NKAIN3: variants seen among roughly 807,000 people sequenced by gnomAD.
The protein encoded by NKAIN3 is sodium/potassium transporting ATPase interacting 3, also known as sodium/potassium-transporting ATPase subunit beta-1-interacting protein 3.
A neutral mutation model predicts 30.2 loss-of-function variants in NKAIN3; 25 were observed. The observed-to-expected ratio is 0.83, with a 90% CI of 0.60 to 1.16. The LOEUF (loss-of-function observed/expected upper bound fraction) is 1.16, where lower values mean the gene tolerates loss of function less well. Among genes scored for constraint, NKAIN3 ranks in the 50% most tolerant of loss-of-function variants. The pLI, the probability that NKAIN3 is intolerant of heterozygous loss-of-function variation, is 0.00. For synonymous variants in NKAIN3, 91 were observed against 89.6 expected, an observed-to-expected ratio of 1.02 and a Z score of -0.09; for missense variants, 225 against 254.1, an observed-to-expected ratio of 0.89 and a Z score of 0.78.
chr8:62,787,203 T>C (rs1195144372), intron 4 of NKAIN3, among the ~76,000 whole-genome samples: 1 of 152,172 alleles, frequency 6.6e-6, no homozygotes, highest in Non-Finnish European at 1.5e-5. Flanking sequence ...ATAAATATAT[T>C]TCATTTCCAG....
At chr8:62,404,449 T>C (rs1026695910) in intron 1 of NKAIN3, among the ~76,000 whole-genome samples, 2 of 152,212 alleles carry the variant, frequency 1.3e-5, no homozygotes, top group Non-Finnish European at 2.9e-5. Flanking sequence ...TAGGAGGTAT[T>C]TGAATCACTG....
chr8:62,748,489 G>A (rs1309693062), intron 4 of NKAIN3, among the ~76,000 whole-genome samples: 1 of 152,202 alleles, frequency 6.6e-6, no homozygotes, highest in East Asian at 1.9e-4. Flanking sequence ...GACTCAGCCT[G>A]TAGTTAATGT....
intron 1 of NKAIN3, among the ~76,000 whole-genome samples, chr8:62,561,814 C>G (rs1378185118): frequency 6.6e-6 from 1 of 152,052 alleles, no homozygotes; most frequent in Non-Finnish European, 1.5e-5. Context: ...CTTTATTTTA[C>G]TTTAAAATAT....
At chr8:62,959,775 T>C (rs748769406) in intron 6 of NKAIN3, among the ~76,000 whole-genome samples, 1 of 152,198 alleles carries the variant, frequency 6.6e-6, no homozygotes, top group South Asian at 2.1e-4. Flanking sequence ...GGAGCCCCGT[T>C]CCCTGAGGCT....
At chr8:62,310,456 T>C (rs1388041958) in intron 1 of NKAIN3, among the ~76,000 whole-genome samples, 3 of 150,608 alleles carry the variant, frequency 2.0e-5, no homozygotes, top group Non-Finnish European at 4.4e-5. Context: ...TTATATTAAC[T>C]TGAGCATGAT....
At chr8:62,865,382 T>C (rs1225207868) in intron 4 of NKAIN3, among the ~76,000 whole-genome samples, 1 of 152,212 alleles carries the variant, frequency 6.6e-6, no homozygotes, top group Admixed American at 6.5e-5. Context: ...TGACTCTCAT[T>C]CTTTAACAGG....
At chr8:62,384,484 C>A (rs1208869975) in intron 1 of NKAIN3, among the ~76,000 whole-genome samples, 4 of 152,008 alleles carry the variant, frequency 2.6e-5, no homozygotes, top group African/African-American at 7.2e-5. Flanking sequence ...CACAGCATAA[C>A]TAACTTTTTC....
intron 1 of NKAIN3, among the ~76,000 whole-genome samples, chr8:62,282,419 G>A (rs1203405871): frequency 6.6e-6 from 1 of 152,044 alleles, no homozygotes; most frequent in Non-Finnish European, 1.5e-5. Flanking sequence ...AATTTTCTAG[G>A]GAAGTAACCT....
intron 1 of NKAIN3, among the ~76,000 whole-genome samples, chr8:62,273,650 C>G (rs946030211): frequency 1.3e-5 from 2 of 152,124 alleles, no homozygotes; most frequent in Non-Finnish European, 2.9e-5. Context: ...TTAATACCAA[C>G]AAATCTAATG....
chr8:62,647,529 T>A (rs1335190952), intron 3 of NKAIN3, among the ~76,000 whole-genome samples: 1 of 151,994 alleles, frequency 6.6e-6, no homozygotes, highest in Non-Finnish European at 1.5e-5. Context: ...CGACCTTAAC[T>A]AGGAAAGGGG....
chr8:62,839,303 T>TAAAAA (rs1179226651), intron 4 of NKAIN3, among the ~76,000 whole-genome samples: 1 of 136,170 alleles, frequency 7.3e-6, no homozygotes, highest in South Asian at 2.6e-4. Context: ...TTGCCTACAT[T>TAAAAA]AAAAAAAAAA....
intron 3 of NKAIN3, among the ~76,000 whole-genome samples, chr8:62,597,030 T>C (rs972805431): frequency 6.6e-6 from 1 of 152,072 alleles, no homozygotes; most frequent in Non-Finnish European, 1.5e-5. Context: ...CTCTTCCCTG[T>C]ATTATTTTAA....
rs549324733 is a variant in NKAIN3 at position 62,588,526 on chromosome 8, T to A, written c.193-1188T>A. Among the ~76,000 whole-genome samples the A allele has an allele frequency of 5.3e-4, 80 of 151,874 alleles. 1 individual carries two copies. In the South Asian group the frequency reaches 0.016, roughly 31 times the overall value. On this transcript the variant is annotated intron_variant, in intron 2 of 6. Coordinates refer to ENST00000623646, the MANE Select transcript of NKAIN3 (RefSeq NM_001304533.3). ...TGAGATTATTTTAAAAATTCATAAA[T>A]GACAGAATACAAAATATAAATTGAA... is the stretch of plus-strand genomic sequence containing the variant.
intron 1 of NKAIN3, among the ~76,000 whole-genome samples, chr8:62,374,474 G>C (rs1284074660): frequency 1.3e-5 from 2 of 152,168 alleles, no homozygotes; most frequent in East Asian, 3.9e-4. Context: ...AGGAGTCCAG[G>C]CTAAGGAAAA....
intron 1 of NKAIN3, among the ~76,000 whole-genome samples, chr8:62,319,806 C>G (rs1423653163): frequency 2.6e-5 from 4 of 152,134 alleles, no homozygotes; most frequent in Non-Finnish European, 4.4e-5. Flanking sequence ...AATGTATATT[C>G]TGTTGATTTT....
chr8:62,814,909 C>G (rs1818626064), intron 4 of NKAIN3, among the ~76,000 whole-genome samples: 3 of 151,964 alleles, frequency 2.0e-5, no homozygotes, highest in Admixed American at 2.0e-4. Context: ...AATAGAGACA[C>G]AAAAACCCTT....
intron 1 of NKAIN3, among the ~76,000 whole-genome samples, chr8:62,429,669 T>G (rs1256812445): frequency 6.6e-6 from 1 of 151,858 alleles, no homozygotes; most frequent in African/African-American, 2.4e-5. Context: ...TATTCGAGGA[T>G]CTACTTTCTG....
chr8:62,778,621 G>C (rs1817260153), intron 4 of NKAIN3, among the ~76,000 whole-genome samples: 1 of 152,052 alleles, frequency 6.6e-6, no homozygotes, highest in Non-Finnish European at 1.5e-5. Flanking sequence ...CTCTCCTCTG[G>C]CCCAGAACAG....
chr8:62,317,885 G>A (rs1215261811), intron 1 of NKAIN3, among the ~76,000 whole-genome samples: 4 of 152,094 alleles, frequency 2.6e-5, no homozygotes, highest in Non-Finnish European at 4.4e-5. Flanking sequence ...CCATTTTCAC[G>A]ATATTGATTC....
Sources: gnomAD v4.1 joint callset for allele counts (sites outside exome capture counted in the v4.1 genomes callset) on GRCh38, gnomAD v4.1.1 for gene constraint, MANE v1.5 for transcripts, NCBI Gene and HGNC (gene_info 2026-07-23, HGNC 2026-07-21) for gene names.